LUZP1: variants seen among roughly 807,000 people sequenced by gnomAD.
LUZP1 encodes filamin mechanobinding actin cross-linking protein.
Under a neutral mutation model 71.3 loss-of-function variants are expected in LUZP1, and 25 were observed. The ratio of observed to expected loss-of-function variants is 0.35; its 90% confidence interval spans 0.26 to 0.49. The LOEUF (loss-of-function observed/expected upper bound fraction) is 0.49. LUZP1 is among the 20% of genes least tolerant of loss of function. LUZP1 has a pLI of 0.99. For missense variants in LUZP1, 1,142 were observed against 1,300.8 expected, an observed-to-expected ratio of 0.88 and a Z score of 1.88; for synonymous variants, 481 against 506.4, an observed-to-expected ratio of 0.95 and a Z score of 0.67.
intron 2 of LUZP1, among the ~76,000 whole-genome samples, chr1:23,135,551 A>G (rs937761068): frequency 1.3e-5 from 2 of 152,228 alleles, no homozygotes; most frequent in African/African-American, 4.8e-5. Context: ...GGTTAGGAAC[A>G]GGCATGGTAC....
intron 3 of LUZP1, among the ~76,000 whole-genome samples, chr1:23,107,191 A>G (rs1438769031): frequency 2.0e-5 from 3 of 152,124 alleles, no homozygotes; most frequent in Admixed American, 6.5e-5. Flanking sequence ...ACCTCATCAG[A>G]GGCCTTCCTT....
chr1:23,102,055 T>C (rs1379497754), intron 3 of LUZP1, among the ~76,000 whole-genome samples: 1 of 152,132 alleles, frequency 6.6e-6, no homozygotes, highest in Non-Finnish European at 1.5e-5. Flanking sequence ...CTTAGCATAT[T>C]GTATCATCAT....
intron 4 of LUZP1, among the ~76,000 whole-genome samples, chr1:23,089,636 G>A (rs1050720743): frequency 3.3e-5 from 5 of 151,600 alleles, no homozygotes; most frequent in African/African-American, 9.7e-5. Flanking sequence ...ACTGTCTCCC[G>A]GGCTGGAGTG....
intron 3 of LUZP1, among the ~76,000 whole-genome samples, chr1:23,099,084 C>T (rs906316137): frequency 6.6e-6 from 1 of 152,188 alleles, no homozygotes. Context: ...TCCCCCTTCT[C>T]CTTTCCCCAG....
chr1:23,136,997 A>T (rs903587136), intron 2 of LUZP1, among the ~76,000 whole-genome samples: 2 of 152,244 alleles, frequency 1.3e-5, no homozygotes, highest in Admixed American at 6.5e-5. Context: ...CTAGAACTGC[A>T]TAACAACAAT....
chr1:23,134,986 C>T (rs1394089786), intron 2 of LUZP1, among the ~76,000 whole-genome samples: 4 of 152,172 alleles, frequency 2.6e-5, no homozygotes, highest in African/African-American at 9.7e-5. Flanking sequence ...TCCCTCCTCC[C>T]ACCCCTGCCA....
chr1:23,086,627 A>C (rs1452855118), exon 5 of LUZP1: 1 of 152,632 alleles, frequency 6.6e-6, no homozygotes, highest in Admixed American at 6.5e-5. Flanking sequence ...TTAGTTTCCT[A>C]ATACCTTTAG....
chr1:23,165,846 T>C (rs1644505379), intron 2 of LUZP1, among the ~76,000 whole-genome samples: 1 of 152,058 alleles, frequency 6.6e-6, no homozygotes, highest in African/African-American at 2.4e-5. Context: ...TTTCTGATAA[T>C]GTTACCTTAA....
chr1:23,113,653 A>G (rs1311499800), intron 2 of LUZP1, among the ~76,000 whole-genome samples: 1 of 152,124 alleles, frequency 6.6e-6, no homozygotes, highest in East Asian at 1.9e-4. Context: ...TGGCCGAGGC[A>G]GGCGGATCAC....
chr1:23,113,232 C>G (rs1333686641), intron 2 of LUZP1, among the ~76,000 whole-genome samples: 1 of 151,806 alleles, frequency 6.6e-6, no homozygotes, highest in Non-Finnish European at 1.5e-5. Context: ...ACTGTCTCTA[C>G]AAAAAATGAA....
chr1:23,177,285 G>T (rs992992479), intron 1 of LUZP1, among the ~76,000 whole-genome samples: 7 of 152,076 alleles, frequency 4.6e-5, no homozygotes, highest in Non-Finnish European at 8.8e-5. Context: ...AATTACAAGG[G>T]GTTCACAGAC....
exon 4 of LUZP1, chr1:23,091,971 T>C: frequency 1.2e-6 from 2 of 1,614,180 alleles, no homozygotes; most frequent in Non-Finnish European, 1.7e-6. Flanking sequence ...TTTTTTCACA[T>C]CCTTATCAAC....
chr1:23,106,827 C>G (rs1019026183), intron 3 of LUZP1, among the ~76,000 whole-genome samples: 1 of 152,172 alleles, frequency 6.6e-6, no homozygotes, highest in Non-Finnish European at 1.5e-5. Context: ...CCTTCCCCAC[C>G]CTCCACAGTC....
At chr1:23,134,479 C>G (rs968375232) in intron 2 of LUZP1, among the ~76,000 whole-genome samples, 2 of 151,716 alleles carry the variant, frequency 1.3e-5, no homozygotes, top group African/African-American at 4.8e-5. Context: ...GAGACCCAGT[C>G]TCTTAAAAAA....
At chr1:23,149,960 C>CAAAAAAAA (rs66680455) in intron 2 of LUZP1, among the ~76,000 whole-genome samples, 5 of 75,766 alleles carry the variant, frequency 6.6e-5, no homozygotes, top group Admixed American at 2.0e-4. Context: ...GACTCCGTCT[C>CAAAAAAAA]AAAAAAAAAA....
At chr1:23,107,699 G>A (rs1643994588) in intron 3 of LUZP1, among the ~76,000 whole-genome samples, 1 of 152,198 alleles carries the variant, frequency 6.6e-6, no homozygotes, top group Admixed American at 6.5e-5. Flanking sequence ...CTACTCGGGA[G>A]GCTGAGACAG....
intron 2 of LUZP1, among the ~76,000 whole-genome samples, chr1:23,136,416 G>A (rs1437193200): frequency 6.6e-6 from 1 of 151,802 alleles, no homozygotes; most frequent in Non-Finnish European, 1.5e-5. Flanking sequence ...CATAGGTCCT[G>A]TAGTAAGAAC....
chr1:23,101,865 G>A (rs1419191781), intron 3 of LUZP1, among the ~76,000 whole-genome samples: 1 of 152,150 alleles, frequency 6.6e-6, no homozygotes, highest in Non-Finnish European at 1.5e-5. Flanking sequence ...GACATTTATA[G>A]AACACCTATG....
intron 2 of LUZP1, among the ~76,000 whole-genome samples, chr1:23,122,105 G>C (rs72877245): frequency 0.013 from 1,928 of 152,102 alleles, 54 homozygotes; most frequent in African/African-American, 0.044. Context: ...AAAATCAACA[G>C]TTTCTAATAA....
Sources: gnomAD v4.1 joint callset for allele counts (sites outside exome capture counted in the v4.1 genomes callset) on GRCh38, gnomAD v4.1.1 for gene constraint, MANE v1.5 for transcripts, NCBI Gene and HGNC (gene_info 2026-07-23, HGNC 2026-07-21) for gene names.